The following MTAP variants were observed in gnomAD, a reference collection of about 807,000 sequenced individuals.
MTAP encodes the protein methylthioadenosine phosphorylase, also known as S-methyl-5'-thioadenosine phosphorylase.
MTAP carries 33 observed loss-of-function variants against 33.6 expected under a neutral mutation model. The ratio of observed to expected loss-of-function variants is 0.98; its 90% CI spans 0.74 to 1.31. MTAP has a LOEUF of 1.31. MTAP is among the 40% of genes most tolerant of loss of function. The pLI, the probability that MTAP is intolerant of heterozygous loss-of-function variation, is 0.00. For missense variants in MTAP, 367 were observed against 360.0 expected (o/e 1.02, Z -0.16); for synonymous variants, 148 against 125.7 (o/e 1.18, Z -1.19).
chr9:21,903,096 A>G (rs1275357570), intron 1 of MTAP, among the ~76,000 whole-genome samples: 1 of 152,174 alleles, frequency 6.6e-6, no homozygotes, highest in African/African-American at 2.4e-5. Context: ...ACAAATGAGG[A>G]AGGAGGATTG....
intron 1 of MTAP, among the ~76,000 whole-genome samples, chr9:21,899,026 A>G (rs1244107855): frequency 6.6e-6 from 1 of 152,112 alleles, no homozygotes; most frequent in Non-Finnish European, 1.5e-5. Flanking sequence ...AATGTGGCAC[A>G]TATACACCAT....
chr9:21,859,527 C>G (rs913672216), intron 7 of MTAP, 102 bp downstream of exon 7: 45 of 1,355,630 alleles, frequency 3.3e-5, no homozygotes, highest in Non-Finnish European at 4.2e-5. Flanking sequence ...TTATGCCAGC[C>G]TAGATGTTTT....
chr9:21,825,376 C>G (rs1273636786), intron 4 of MTAP, among the ~76,000 whole-genome samples: 2 of 152,138 alleles, frequency 1.3e-5, no homozygotes, highest in Non-Finnish European at 2.9e-5. Context: ...AATTTCATTT[C>G]CTTATACACT....
intron 1 of MTAP, among the ~76,000 whole-genome samples, chr9:21,915,024 C>CTTCCTTCT: frequency 1.0e-5 from 1 of 100,160 alleles, no homozygotes. Context: ...TCCTTCCTTC[C>CTTCCTTCT]TTCCTTCCTT....
At chr9:21,829,540 C>G (rs905411954) in intron 4 of MTAP, among the ~76,000 whole-genome samples, 1 of 151,876 alleles carries the variant, frequency 6.6e-6, no homozygotes, top group Non-Finnish European at 1.5e-5. Flanking sequence ...GGCTCCTTTT[C>G]CCTACACTGC....
chr9:21,812,713 G>A (rs28421997), intron 1 of MTAP, among the ~76,000 whole-genome samples: 165 of 152,304 alleles, frequency 1.1e-3, no homozygotes, highest in Admixed American at 2.9e-3. Flanking sequence ...TGTGACCTTC[G>A]TCATGAACTT....
chr9:21,827,263 C>G (rs1824845630), intron 4 of MTAP, among the ~76,000 whole-genome samples: 2 of 152,174 alleles, frequency 1.3e-5, no homozygotes, highest in Non-Finnish European at 2.9e-5. Context: ...ATCACCCTGC[C>G]TACCACCTCA....
At chr9:21,855,793 G>A (rs1825629518) in intron 6 of MTAP, among the ~76,000 whole-genome samples, 1 of 152,112 alleles carries the variant, frequency 6.6e-6, no homozygotes, top group Non-Finnish European at 1.5e-5. Context: ...TCCACAATTA[G>A]CCATGGCCAA....
intron 1 of MTAP, chr9:21,803,097 AG>A: frequency 1.7e-6 from 1 of 593,626 alleles, no homozygotes; most frequent in Non-Finnish European, 2.6e-6. Context: ...TTAGAGAGAG[AG>A]GTCGTGGATG....
In MTAP at chr9:21,864,496, G is replaced by C; in HGVS notation, c.*2482G>C. The C allele has an allele frequency of 1.0e-6, 1 of 985,380 alleles. No individual in the cohort carries two copies. Among genetic ancestry groups the C allele is most frequent in the Non-Finnish European group, 1.2e-6 (1 of 829,914 alleles). The allele number at this position is 985,380 out of a possible 1,614,324, so 61.0% of individuals were successfully genotyped here. A position where few individuals can be genotyped will look rare whatever the true frequency, so the allele number is the denominator to read the frequency against. ...CCCTTAGTGATTAATAGATTTGCATGTACATAGAAGTCTTTGTTGGCCTTA... is the reference window on the plus strand; with the variant it reads ...CCCTTAGTGATTAATAGATTTGCATCTACATAGAAGTCTTTGTTGGCCTTA... On this transcript the variant is annotated 3_prime_UTR_variant, in exon 8 of 8. Transcript: ENST00000644715.
intron 1 of MTAP, 23 bp downstream of exon 1, chr9:21,802,804 C>T (rs1824083665): frequency 6.2e-7 from 1 of 1,612,470 alleles, no homozygotes; most frequent in Non-Finnish European, 8.5e-7. Context: ...CTCCCAGCCG[C>T]AGCGGTTCGC....
chr9:21,915,000 T>TTCCTTCCTTCCTTCCTTCC (rs1818653467), intron 1 of MTAP, among the ~76,000 whole-genome samples: 6 of 83,732 alleles, frequency 7.2e-5, no homozygotes, highest in African/African-American at 2.3e-4. Context: ...CTTTGTTTTC[T>TTCCTTCCTTCCTTCCTTCC]TTCCTTCCTT....
chr9:21,932,340 C>CA (rs1332094294), downstream of MTAP: 2 of 152,178 alleles, frequency 1.3e-5, no homozygotes, highest in Non-Finnish European at 2.9e-5. Flanking sequence ...GATGAGAGGC[C>CA]ACCAGGCAAG....
intron 4 of MTAP, among the ~76,000 whole-genome samples, chr9:21,833,954 C>A (rs564613410): frequency 6.6e-6 from 1 of 152,266 alleles, no homozygotes; most frequent in African/African-American, 2.4e-5. Context: ...ACTCATTTTT[C>A]CTGCCAGCAC....
intron 1 of MTAP, among the ~76,000 whole-genome samples, chr9:21,924,286 T>C (rs1159521872): frequency 2.0e-5 from 3 of 152,170 alleles, no homozygotes; most frequent in South Asian, 4.1e-4. Flanking sequence ...ATCTCCCTAC[T>C]ACAGTACAAA....
At chr9:21,902,519 A>G (rs1818409122) in intron 1 of MTAP, among the ~76,000 whole-genome samples, 1 of 152,252 alleles carries the variant, frequency 6.6e-6, no homozygotes, top group East Asian at 1.9e-4. Flanking sequence ...GACAATAACC[A>G]TACACCATCC....
At chr9:21,923,146 A>G (rs1169148953) in intron 1 of MTAP, among the ~76,000 whole-genome samples, 1 of 152,150 alleles carries the variant, frequency 6.6e-6, no homozygotes. Context: ...CTCTTGTTGC[A>G]TTTGTACAGC....
At chr9:21,903,908 C>T (rs1818431205) in intron 1 of MTAP, among the ~76,000 whole-genome samples, 1 of 152,186 alleles carries the variant, frequency 6.6e-6, no homozygotes, top group African/African-American at 2.4e-5. Context: ...AGTAGACCCC[C>T]TTTCTTATCA....
intron 1 of MTAP, among the ~76,000 whole-genome samples, chr9:21,891,491 A>G (rs889348989): frequency 4.6e-5 from 7 of 152,316 alleles, no homozygotes; most frequent in Middle Eastern, 3.4e-3. Flanking sequence ...CAAAAATTCC[A>G]TAATACCATC....
Sources: gnomAD v4.1 joint callset for allele counts (sites outside exome capture counted in the v4.1 genomes callset) on GRCh38, gnomAD v4.1.1 for gene constraint, MANE v1.5 for transcripts, NCBI Gene and HGNC (gene_info 2026-07-23, HGNC 2026-07-21) for gene names.